IL7: variants seen among roughly 807,000 people sequenced by gnomAD.
IL7 encodes interleukin-7.
IL7 carries 3 observed loss-of-function variants against 21.6 expected under a neutral mutation model. The ratio of observed to expected loss-of-function variants is 0.14; its 90% CI spans 0.06 to 0.36. The LOEUF is 0.36. IL7 is among the 10% of genes least tolerant of loss of function. IL7 has a pLI of 1.00. For synonymous variants in IL7, 62 were observed against 68.1 expected (o/e 0.91, Z 0.44); for missense variants, 175 against 200.2 (o/e 0.87, Z 0.76).
chr8:78,762,372 A>G, intron 2 of IL7: 1 of 1,612,554 alleles, frequency 6.2e-7, no homozygotes, highest in Non-Finnish European at 8.5e-7. Flanking sequence ...AAGAAGGCCA[A>G]GTCAAGTCGG....
Position 78,799,882 on chromosome 8 carries a change from T to C in IL7, c.11-1674A>G, listed in dbSNP as rs376619371. Among the ~76,000 whole-genome samples the C allele has an allele frequency of 1.1e-4, 17 of 152,192 alleles. 1 individual carries two copies. The South Asian group carries it at 3.1e-3, about 28-fold the overall frequency. ...CAACCTAAAGATCCTCAGTGATCAATTGCTAATTTAAAAAAAATATTTTGG... is the reference window on the plus strand; with the variant it reads ...CAACCTAAAGATCCTCAGTGATCAACTGCTAATTTAAAAAAAATATTTTGG... On this transcript the variant is annotated intron_variant, in intron 1 of 5. Coordinates refer to ENST00000263851, the MANE Select transcript of IL7 (RefSeq NM_000880.4).
At chr8:78,713,168 T>C (rs1811000846), downstream of IL7, among the ~76,000 whole-genome samples, 1 of 152,154 alleles carries the variant, frequency 6.6e-6, no homozygotes, top group African/African-American at 2.4e-5. Context: ...AGGTAGATTC[T>C]AGATACAGAG....
At chr8:78,799,904 T>C (rs1167707814) in intron 1 of IL7, among the ~76,000 whole-genome samples, 3 of 152,054 alleles carry the variant, frequency 2.0e-5, no homozygotes, top group East Asian at 3.8e-4. Context: ...AAAAAATATT[T>C]TGGCAATTAA....
At chr8:78,760,696 G>A in intron 2 of IL7, 1 of 1,583,372 alleles carries the variant, frequency 6.3e-7, no homozygotes, top group Non-Finnish European at 8.6e-7. Flanking sequence ...GGACACTTAG[G>A]GTTTCTTTAT....
chr8:78,744,574 G>A lies in IL7; in HGVS notation c.148-4492C>T, dbSNP rs990555369. ...AAGCCAATGTGTCTTATCCTTTGAGGCACCATGGAAGTAGGGCCTACAGAC... is the reference window on the plus strand; with the variant it reads ...AAGCCAATGTGTCTTATCCTTTGAGACACCATGGAAGTAGGGCCTACAGAC... On this transcript the variant is annotated intron_variant, in intron 2 of 5. Transcript: ENST00000263851. 2.6e-5 allele frequency among the ~76,000 whole-genome samples: 4 copies of A among 152,140 alleles called. No individual in the cohort carries two copies. In the South Asian group the frequency reaches 8.3e-4, roughly 32 times the overall value.
intron 2 of IL7, among the ~76,000 whole-genome samples, chr8:78,765,130 C>A (rs191448290): frequency 2.6e-5 from 4 of 152,168 alleles, no homozygotes; most frequent in Admixed American, 2.6e-4. Flanking sequence ...CACATCCACA[C>A]CCCTAACATT....
intron 3 of IL7, among the ~76,000 whole-genome samples, chr8:78,697,925 A>T (rs1810481764): frequency 6.6e-6 from 1 of 152,030 alleles, no homozygotes; most frequent in African/African-American, 2.4e-5. Context: ...TGATCCCCCA[A>T]CCTGAGCCTC....
intron 2 of IL7, among the ~76,000 whole-genome samples, chr8:78,792,860 T>C (rs1244090361): frequency 6.6e-6 from 1 of 152,122 alleles, no homozygotes; most frequent in Non-Finnish European, 1.5e-5. Context: ...TAGAAACAGT[T>C]TGCAGTTTCT....
At chr8:78,698,792 C>T (rs755693093) in intron 3 of IL7, among the ~76,000 whole-genome samples, 1 of 152,062 alleles carries the variant, frequency 6.6e-6, no homozygotes, top group African/African-American at 2.4e-5. Flanking sequence ...GAAATGTTGA[C>T]GATTTTTATA....
chr8:78,760,908 C>G, intron 2 of IL7: 1 of 1,560,312 alleles, frequency 6.4e-7, no homozygotes, highest in East Asian at 2.3e-5. Flanking sequence ...GCAAAGAAGA[C>G]ATCAGAGGTT....
chr8:78,785,601 A>G (rs1405942801), intron 2 of IL7, among the ~76,000 whole-genome samples: 2 of 152,204 alleles, frequency 1.3e-5, no homozygotes, highest in African/African-American at 4.8e-5. Context: ...CTTTAAAACT[A>G]TGGCGTGAAG....
At chr8:78,769,212 G>T (rs1215472638) in intron 2 of IL7, among the ~76,000 whole-genome samples, 9 of 151,514 alleles carry the variant, frequency 5.9e-5, no homozygotes, top group South Asian at 2.1e-4. Flanking sequence ...GGAAATAAAG[G>T]GTATTCAATT....
At chr8:78,676,829 C>G (rs948271220) in intron 4 of IL7, among the ~76,000 whole-genome samples, 8 of 151,694 alleles carry the variant, frequency 5.3e-5, no homozygotes, top group African/African-American at 1.9e-4. Flanking sequence ...AAAAAAGTGC[C>G]TTTTTTGGCT....
intron 2 of IL7, among the ~76,000 whole-genome samples, chr8:78,794,204 C>T (rs1366542655): frequency 1.3e-5 from 2 of 152,098 alleles, no homozygotes; most frequent in African/African-American, 2.4e-5. Context: ...ACAATGAATG[C>T]TGTTCACAAG....
intron 2 of IL7, among the ~76,000 whole-genome samples, chr8:78,783,328 C>T (rs550828124): frequency 1.1e-4 from 16 of 152,190 alleles, no homozygotes; most frequent in Admixed American, 3.3e-4. Flanking sequence ...CACTCACTGC[C>T]TCCCTTGGCT....
intron 3 of IL7, among the ~76,000 whole-genome samples, chr8:78,686,216 G>A (rs1009986698): frequency 6.6e-5 from 10 of 152,216 alleles, no homozygotes; most frequent in Admixed American, 4.6e-4. Flanking sequence ...AGGATAAATA[G>A]ATGTAACACC....
chr8:78,742,331 A>AAC (rs1419650844), intron 2 of IL7, among the ~76,000 whole-genome samples: 1 of 152,102 alleles, frequency 6.6e-6, no homozygotes, highest in Non-Finnish European at 1.5e-5. Flanking sequence ...CTCAGAAAAA[A>AAC]ATAAAAAATA....
chr8:78,760,909 A>C, intron 2 of IL7: 1 of 1,560,824 alleles, frequency 6.4e-7, no homozygotes, highest in South Asian at 1.2e-5. Context: ...CAAAGAAGAC[A>C]TCAGAGGTTT....
chr8:78,738,613 G>A lies in IL7; in HGVS notation c.251C>T (p.Ala84Val). 6.2e-7 allele frequency: 1 copy of A among 1,613,556 alleles called. No individual in the cohort carries two copies. Among genetic ancestry groups the A allele is most frequent in the Non-Finnish European group, 8.5e-7 (1 of 1,179,662 alleles). The change falls in exon 4 of 6, where the codon GCT (alanine) becomes GTT (valine). Residue 84 changes from alanine to valine, a missense_variant. Coordinates refer to ENST00000263851, the MANE Select transcript of IL7 (RefSeq NM_000880.4). ...ANKEGMFLFRAARKLRQFLKM... is the reference protein window; with the variant it reads ...ANKEGMFLFRVARKLRQFLKM... ...AAGAAATTGCCTCAACTTGCGAGCA[G>A]CACGGAATAAAAACATACCTTCCTA... is the stretch of plus-strand genomic sequence containing the variant.
Sources: allele counts gnomAD v4.1 joint callset (sites outside exome capture counted in the v4.1 genomes callset), GRCh38; gene constraint gnomAD v4.1.1; transcripts MANE v1.5; gene names NCBI Gene and HGNC (gene_info 2026-07-23, HGNC 2026-07-21).